Variants in AP3D1 observed in about 807,000 individuals in gnomAD.
AP3D1 encodes the protein adaptor related protein complex 3 subunit delta 1.
In AP3D1, 51 loss-of-function variants were observed where a neutral mutation model predicts 147.6. The observed-to-expected ratio is 0.35, with a 90% CI of 0.28 to 0.44. The LOEUF (loss-of-function observed/expected upper bound fraction) is 0.44. Ranked by LOEUF, AP3D1 falls within the 20% of genes least tolerant of loss-of-function variation. The probability of loss-of-function intolerance (pLI) is 1.00; values close to 1 mark genes in which losing one functional copy is unlikely to be tolerated. For synonymous variants in AP3D1, 760 were observed against 663.0 expected, an observed-to-expected ratio of 1.15 and a Z score of -2.25; for missense variants, 1,421 against 1,624.2, an observed-to-expected ratio of 0.87 and a Z score of 2.15.
intron 8 of AP3D1, 55 bp from the exon 9 acceptor site, chr19:2,127,256 A>G (rs1338768655): frequency 5.0e-6 from 8 of 1,587,396 alleles, no homozygotes; most frequent in African/African-American, 1.3e-5. Context: ...CGTCAGATGC[A>G]GTGACCCAGT....
At chr19:2,145,575 C>CTTGG (rs2019334418) in intron 1 of AP3D1, among the ~76,000 whole-genome samples, 1 of 152,296 alleles carries the variant, frequency 6.6e-6, no homozygotes, top group South Asian at 2.1e-4. Flanking sequence ...AGCCTGATGT[C>CTTGG]CACAGTGCCA....
chr19:2,115,349 T>C lies in AP3D1; in HGVS notation c.2219A>G (p.Asp740Gly). ...CTCCTTCCTCTTTTTCCTCCTCTTGTCCTTCTCCAGCTTCTGCCGGTGCCG... is the reference window on the plus strand; with the variant it reads ...CTCCTTCCTCTTTTTCCTCCTCTTGCCCTTCTCCAGCTTCTGCCGGTGCCG... ...ERRHRQKLEK[D>G]KRRKKRKEKE... is the part of the protein sequence containing the mutation. The change falls in exon 20 of 32, where the codon GAC becomes GGC. Residue 740 changes from aspartate (D) to glycine (G), a missense_variant. Coordinates refer to ENST00000643116, the MANE Select transcript of AP3D1 (RefSeq NM_001261826.3). 2 of 1,609,026 alleles carry C rather than the reference T, an allele frequency of 1.2e-6. No homozygotes were observed. Among genetic ancestry groups the C allele is most frequent in the Non-Finnish European group, 1.7e-6 (2 of 1,179,860 alleles).
chr19:2,153,386 G>GGT (rs113446013), upstream of AP3D1, among the ~76,000 whole-genome samples: 6,017 of 147,784 alleles, frequency 0.041, 387 homozygotes, highest in African/African-American at 0.14. Context: ...AAAAGAAGTG[G>GGT]GGGGGGGGAC....
chr19:2,114,605 G>A, intron 21 of AP3D1, 143 bp downstream of exon 21: 1 of 727,594 alleles, frequency 1.4e-6, no homozygotes, highest in Non-Finnish European at 2.3e-6. Flanking sequence ...GTGCAGTGAG[G>A]ACGTGGTCTG....
intron 9 of AP3D1, among the ~76,000 whole-genome samples, chr19:2,124,868 G>T (rs2018708624): frequency 6.6e-6 from 1 of 152,192 alleles, no homozygotes; most frequent in Non-Finnish European, 1.5e-5. Flanking sequence ...TGACCTGGGA[G>T]GCAGAGGTTG....
intron 1 of AP3D1, among the ~76,000 whole-genome samples, chr19:2,141,958 ATATT>A (rs1568305589): frequency 6.7e-6 from 1 of 149,596 alleles, no homozygotes; most frequent in African/African-American, 2.4e-5. Flanking sequence ...ATTTTTGCAT[ATATT>A]TATGTATATA....
chr19:2,133,784 G>C (rs956860649), intron 4 of AP3D1, among the ~76,000 whole-genome samples: 1 of 151,334 alleles, frequency 6.6e-6, no homozygotes, highest in African/African-American at 2.4e-5. Flanking sequence ...TTACAGGCGT[G>C]AGCCACAGTG....
chr19:2,151,809 C>A (rs567029562), upstream of AP3D1, among the ~76,000 whole-genome samples: 31 of 152,378 alleles, frequency 2.0e-4, 1 homozygote, highest in South Asian at 6.2e-3. Context: ...TAGTTCTGAG[C>A]CCTAGCCACG....
intron 1 of AP3D1, among the ~76,000 whole-genome samples, chr19:2,143,764 C>CA (rs368720135): frequency 1.2e-4 from 18 of 144,476 alleles, no homozygotes; most frequent in East Asian, 4.2e-4. Context: ...AAGACTGCCT[C>CA]AAAAAAAAAA....
At chr19:2,116,954 C>A in intron 16 of AP3D1, 1 of 852,108 alleles carries the variant, frequency 1.2e-6, no homozygotes, top group South Asian at 2.0e-5. Flanking sequence ...CACAGTGGGG[C>A]CCCCACGGCA....
In AP3D1 at chr19:2,112,016, G is replaced by C; in HGVS notation, c.2788-188C>G. 2.2e-6 allele frequency: 2 copies of C among 920,352 alleles called. 1 individual carries two copies. Among genetic ancestry groups the C allele is most frequent in the South Asian group, 3.5e-5 (2 of 57,274 alleles). 57.0% of individuals were successfully genotyped at this position (920,352 alleles called of 1,614,324 possible). On this transcript the variant is annotated intron_variant, in intron 24 of 31. Coordinates refer to ENST00000643116, the MANE Select transcript of AP3D1 (RefSeq NM_001261826.3). Reference sequence around the variant, plus strand: ...GGCCAGACCAGGCCCAGCGGAGGCTGGGGCCGTCTCTGGTTGGCGGCAAGC... The same window carrying C: ...GGCCAGACCAGGCCCAGCGGAGGCTCGGGCCGTCTCTGGTTGGCGGCAAGC...
intron 9 of AP3D1, 36 bp from the exon 10 acceptor site, chr19:2,123,915 A>C: frequency 6.4e-7 from 1 of 1,559,414 alleles, no homozygotes; most frequent in Non-Finnish European, 8.7e-7. Flanking sequence ...CACGGTCAGC[A>C]CCATGGCCAG....
intron 20 of AP3D1, 77 bp from the exon 21 acceptor site, chr19:2,114,898 T>A: frequency 1.3e-6 from 2 of 1,498,868 alleles, no homozygotes; most frequent in Non-Finnish European, 1.9e-6. Context: ...TGGGACGCAG[T>A]GGGACTGCCC....
intron 31 of AP3D1, among the ~76,000 whole-genome samples, chr19:2,102,731 AT>A (rs2017990857): frequency 7.3e-3 from 6 of 820 alleles, no homozygotes; most frequent in East Asian, 0.033. Context: ...GTCTCAAAAA[AT>A]AAATAAATAA....
intron 1 of AP3D1, among the ~76,000 whole-genome samples, chr19:2,148,130 G>C: frequency 7.4e-6 from 1 of 135,376 alleles, no homozygotes; most frequent in South Asian, 2.3e-4. Context: ...CTGGGGGACA[G>C]AGCAAGACTC....
chr19:2,122,860 G>A (rs774664761), intron 11 of AP3D1, among the ~76,000 whole-genome samples: 17 of 152,178 alleles, frequency 1.1e-4, no homozygotes, highest in Non-Finnish European at 2.2e-4. Flanking sequence ...CCAAAACACC[G>A]CCCAGGTACA....
chr19:2,140,173 CAA>C (rs1000585369), intron 1 of AP3D1, among the ~76,000 whole-genome samples: 1 of 152,056 alleles, frequency 6.6e-6, no homozygotes, highest in African/African-American at 2.4e-5. Flanking sequence ...AGGAAAAGAA[CAA>C]AAAGACCATC....
intron 1 of AP3D1, among the ~76,000 whole-genome samples, chr19:2,157,261 T>G (rs2144599307): frequency 6.6e-6 from 1 of 150,556 alleles, no homozygotes; most frequent in East Asian, 2.0e-4. Flanking sequence ...GCTAAAACGG[T>G]GAAACCCCGT....
rs1361541287 is a variant in AP3D1, at chr19:2,121,106, G to A, written c.1251-14C>T. On this transcript the variant is annotated splice_polypyrimidine_tract_variant and intron_variant, in intron 13 of 31. Transcript: ENST00000643116. ...ATGCTGATGTACCTGTGGGGCAGAGGCGGTGAGTGAGCGGCGCCACGGAAC... is the reference window on the plus strand; with the variant it reads ...ATGCTGATGTACCTGTGGGGCAGAGACGGTGAGTGAGCGGCGCCACGGAAC... The A allele has an allele frequency of 6.2e-7, 1 of 1,613,588 alleles. No individual in the cohort carries two copies. The highest frequency in any genetic ancestry group is 1.7e-5 in the Admixed American group (1 of 59,988).
Sources: allele counts gnomAD v4.1 joint callset (sites outside exome capture counted in the v4.1 genomes callset), GRCh38; gene constraint gnomAD v4.1.1; transcripts MANE v1.5; gene names NCBI Gene and HGNC (gene_info 2026-07-23, HGNC 2026-07-21).